The following RANBP2 variants were observed in gnomAD, a reference collection of about 807,000 sequenced individuals.
RANBP2 encodes RAN binding protein 2, also known as E3 SUMO-protein ligase RanBP2.
A neutral mutation model predicts 303.6 loss-of-function variants in RANBP2; 57 were observed. That is an observed-to-expected ratio of 0.19 (90% CI 0.15 to 0.23). RANBP2 has a LOEUF of 0.23. Ranked by LOEUF, RANBP2 falls within the 10% of genes least tolerant of loss-of-function variation. The pLI is 1.00. For missense variants in RANBP2, 3,138 were observed against 3,780.8 expected (o/e 0.83, Z 4.46); for synonymous variants, 1,167 against 1,301.5 (o/e 0.90, Z 2.23).
At chr2:109,094,534 T>C in the RANBP2 span, among the ~76,000 whole-genome samples, 2 of 152,106 alleles carry the variant, frequency 1.3e-5, no homozygotes, top group African/African-American at 4.8e-5. Context: ...GTGATGTTTA[T>C]ATAAAAAAAG....
rs765662269 is a variant in RANBP2 at position 108,783,687 on chromosome 2, G to C, written c.9461G>C (p.Gly3154Ala). 3 of 1,609,872 alleles carry C rather than the reference G, an allele frequency of 1.9e-6. No homozygotes were observed. The highest frequency in any genetic ancestry group is 2.7e-5 in the African/African-American group (2 of 74,792). Residue 3154 changes from glycine (G) to alanine (A), a missense_variant, in exon 29 of 29, where the codon GGT (glycine) becomes GCT (alanine). Gly to Ala is a moderately conservative substitution (Grantham distance 60). Transcript: ENST00000283195. ...EDENFDVKHT[G>A]PGLLSMANQG... ...GAAAATTTTGATGTGAAACATACTG[G>C]TCCTGGTTTACTATCCATGGCCAAT...
the RANBP2 span, among the ~76,000 whole-genome samples, chr2:109,286,294 T>A: frequency 6.6e-6 from 1 of 152,306 alleles, no homozygotes; most frequent in South Asian, 2.1e-4. Context: ...AAAAGTGTGG[T>A]CAAGGGATGT....
the RANBP2 span, among the ~76,000 whole-genome samples, chr2:109,626,287 C>A: frequency 6.6e-6 from 1 of 151,890 alleles, no homozygotes; most frequent in Non-Finnish European, 1.5e-5. Flanking sequence ...TGAGACCAGC[C>A]TGACCAACAT....
At chr2:108,745,295 AGTG>A (rs1466879688) in intron 7 of RANBP2, among the ~76,000 whole-genome samples, 1 of 144,466 alleles carries the variant, frequency 6.9e-6, no homozygotes, top group African/African-American at 2.6e-5. Flanking sequence ...CAATTAAGAA[AGTG>A]GTGATAGAAT....
chr2:108,897,048 G>A, the RANBP2 span: 3 of 1,614,036 alleles, frequency 1.9e-6, no homozygotes, highest in African/African-American at 1.3e-5. Flanking sequence ...AGCCTGCCGT[G>A]CTGATGCGGT....
the RANBP2 span, among the ~76,000 whole-genome samples, chr2:109,251,831 AT>A: frequency 6.6e-6 from 1 of 152,138 alleles, no homozygotes; most frequent in African/African-American, 2.4e-5. Flanking sequence ...TTTAATACCA[AT>A]TTTCTAATCC....
the RANBP2 span, among the ~76,000 whole-genome samples, chr2:109,401,586 G>A: frequency 6.6e-6 from 1 of 152,190 alleles, no homozygotes; most frequent in Non-Finnish European, 1.5e-5. Flanking sequence ...GTTCCTTGGA[G>A]TTCTAAAAAA....
downstream of RANBP2, chr2:108,789,067 A>G: frequency 8.3e-7 from 1 of 1,206,720 alleles, no homozygotes. Context: ...CCTGAGGACA[A>G]GTATGAGGAC....
chr2:109,260,206 T>C, the RANBP2 span, among the ~76,000 whole-genome samples: 2 of 152,102 alleles, frequency 1.3e-5, no homozygotes, highest in Non-Finnish European at 2.9e-5. Context: ...GCACTACTGA[T>C]GGTTGGCAGC....
the RANBP2 span, among the ~76,000 whole-genome samples, chr2:109,133,592 A>G: frequency 1.3e-5 from 2 of 152,164 alleles, no homozygotes; most frequent in South Asian, 4.2e-4. Context: ...AAGGATTCTG[A>G]ATAGAGCGTC....
chr2:109,663,501 C>A, the RANBP2 span, among the ~76,000 whole-genome samples: 1 of 152,186 alleles, frequency 6.6e-6, no homozygotes, highest in Non-Finnish European at 1.5e-5. Context: ...CTAGTGTATA[C>A]CCAATGTTGA....
chr2:109,005,936 A>C, the RANBP2 span, among the ~76,000 whole-genome samples: 1 of 152,114 alleles, frequency 6.6e-6, no homozygotes, highest in South Asian at 2.1e-4. Context: ...GGAGTCGTGG[A>C]GCTGCCCATG....
the RANBP2 span, among the ~76,000 whole-genome samples, chr2:109,493,447 A>G: frequency 6.6e-6 from 1 of 151,586 alleles, no homozygotes; most frequent in South Asian, 2.1e-4. Flanking sequence ...ACATGTGCAA[A>G]CACACTCCAC....
chr2:109,365,152 G>A, the RANBP2 span, among the ~76,000 whole-genome samples: 1 of 152,182 alleles, frequency 6.6e-6, no homozygotes, highest in South Asian at 2.1e-4. Flanking sequence ...GAATGCTCTG[G>A]CATGTTTCAC....
the RANBP2 span, among the ~76,000 whole-genome samples, chr2:108,904,902 C>CA: frequency 3.9e-5 from 6 of 152,290 alleles, no homozygotes; most frequent in African/African-American, 1.4e-4. Flanking sequence ...GTGTCAATAT[C>CA]AGTGTCCTGG....
chr2:109,698,981 T>C, the RANBP2 span, among the ~76,000 whole-genome samples: 3 of 152,166 alleles, frequency 2.0e-5, no homozygotes, highest in Non-Finnish European at 4.4e-5. Flanking sequence ...CCTGCAGATA[T>C]TTTTGTGGGT....
the RANBP2 span, among the ~76,000 whole-genome samples, chr2:109,319,747 C>T: frequency 8.1e-3 from 1,234 of 152,362 alleles, 21 homozygotes; most frequent in African/African-American, 0.028. Context: ...TGCCCCCAGC[C>T]TGTCCAGGCC....
At chr2:109,359,108 T>C in the RANBP2 span, among the ~76,000 whole-genome samples, 1 of 152,228 alleles carries the variant, frequency 6.6e-6, no homozygotes, top group Non-Finnish European at 1.5e-5. Context: ...GGTTTATTTC[T>C]GGGTGCTCTC....
At chr2:109,432,724 C>G in the RANBP2 span, 1 of 1,562,542 alleles carries the variant, frequency 6.4e-7, no homozygotes. Context: ...GGCCTGCACG[C>G]CTTACCGCTG....
Sources: allele counts gnomAD v4.1 joint callset (sites outside exome capture counted in the v4.1 genomes callset), GRCh38; gene constraint gnomAD v4.1.1; transcripts MANE v1.5; gene names NCBI Gene and HGNC (gene_info 2026-07-23, HGNC 2026-07-21).